TASOR2: variants seen among roughly 807,000 people sequenced by gnomAD.
TASOR2 encodes transcription activation suppressor family member 2, also known as protein TASOR 2.
TASOR2 carries 84 observed loss-of-function variants against 199.5 expected under a neutral mutation model. That is an observed-to-expected ratio of 0.42 (90% CI 0.35 to 0.50). The LOEUF (loss-of-function observed/expected upper bound fraction) is 0.50. Among genes scored for constraint, TASOR2 ranks in the 20% least tolerant of loss-of-function variants. The pLI, the probability that TASOR2 is intolerant of heterozygous loss-of-function variation, is 0.02. For synonymous variants in TASOR2, 1,103 were observed against 1,046.6 expected (o/e 1.05, Z -1.04); for missense variants, 2,796 against 2,835.9 (o/e 0.99, Z 0.32).
Position 5,737,569 on chromosome 10 carries a change from T to A in TASOR2, c.1447+2023T>A, listed in dbSNP as rs1285615243. Reference sequence around the variant, plus strand: ...AGGCAACCTCTGCCCTTCAGGGGCCTGCAGCTAGATTTATCCCCACAGGGA... The same window carrying A: ...AGGCAACCTCTGCCCTTCAGGGGCCAGCAGCTAGATTTATCCCCACAGGGA... On this transcript the variant is annotated intron_variant, in intron 12 of 20. Transcript: ENST00000328090. This position sits in a 1 kb window ranked among gnomAD's most constrained non-coding sequence, Gnocchi z 4.9. 6.6e-6 allele frequency among the ~76,000 whole-genome samples: 1 copy of A among 152,120 alleles called. No individual in the cohort carries two copies. The highest frequency in any genetic ancestry group is 2.4e-5 in the African/African-American group (1 of 41,438).
At chr10:5,736,454 A>AT (rs1489625915) in intron 12 of TASOR2, among the ~76,000 whole-genome samples, 1 of 150,886 alleles carries the variant, frequency 6.6e-6, no homozygotes, top group African/African-American at 2.4e-5. Flanking sequence ...GGGTTTCACC[A>AT]TGTTGCCTAG....
chr10:5,720,440 G>T lies in TASOR2; in HGVS notation c.-99-104G>T. 1 of 1,414,582 alleles carries T rather than the reference G, an allele frequency of 7.1e-7. No individual in the cohort carries two copies. The highest frequency in any genetic ancestry group is 1.7e-5 in the South Asian group (1 of 60,304). The allele number at this position is 1,414,582 out of a possible 1,614,324, so 87.6% of individuals were successfully genotyped here. A position where few individuals can be genotyped will look rare whatever the true frequency, so the allele number is the denominator to read the frequency against. The stretch of plus-strand genomic sequence containing the variant: ...TGAGTAACACCCAAGATATATTTCT[G>T]ACTCTAATGTGTTAAATTTCAGGGC... On this transcript the variant is annotated intron_variant, in intron 3 of 20. Transcript: ENST00000328090. This position sits in a 1 kb window ranked among gnomAD's most constrained non-coding sequence, Gnocchi z 5.3.
Position 5,751,869 on chromosome 10 carries a change from A to C in TASOR2, c.6606+1842A>C, listed in dbSNP as rs1249384130. Among the ~76,000 whole-genome samples, 2 of 152,208 alleles carry C rather than the reference A, an allele frequency of 1.3e-5. No homozygotes were observed. The highest frequency in any genetic ancestry group is 4.8e-5 in the African/African-American group (2 of 41,448). ...AGCAAAAACAGAGGAGTTCACACTC[A>C]TCCCCAATTCTAGTCCAGTACTGCC... On this transcript the variant is annotated intron_variant, in intron 15 of 20. Coordinates refer to ENST00000328090, the Ensembl canonical transcript of TASOR2. This position sits in a 1 kb window ranked among gnomAD's most constrained non-coding sequence, Gnocchi z 5.3.
chr10:5,688,563 C>T (rs1387479331), intron 1 of TASOR2, among the ~76,000 whole-genome samples: 1 of 152,030 alleles, frequency 6.6e-6, no homozygotes, highest in Non-Finnish European at 1.5e-5. Flanking sequence ...TGTAGAATTG[C>T]AAATCATATG....
At chr10:5,688,348 A>C (rs1330047727) in intron 1 of TASOR2, among the ~76,000 whole-genome samples, 1 of 150,080 alleles carries the variant, frequency 6.7e-6, no homozygotes, top group Non-Finnish European at 1.5e-5. Flanking sequence ...CAGCCTCCTG[A>C]GTAACTAGGG....
rs1838095432 is a variant in TASOR2 at position 5,751,915 on chromosome 10, C to G, written c.6606+1888C>G. Among the ~76,000 whole-genome samples the G allele has an allele frequency of 6.6e-6, 1 of 152,222 alleles. No homozygotes were observed. Among genetic ancestry groups the G allele is most frequent in the Non-Finnish European group, 1.5e-5 (1 of 68,040 alleles). On this transcript the variant is annotated intron_variant, in intron 15 of 20. Transcript: ENST00000328090. The surrounding 1 kb of genome is among the most constrained non-coding windows in gnomAD (Gnocchi z 5.3). ...CTGCCAGGTTTGTGCTAGCCTCCTTCTCCATGTGTGGAGCTCCCTTCTCTG... is the reference window on the plus strand; with the variant it reads ...CTGCCAGGTTTGTGCTAGCCTCCTTGTCCATGTGTGGAGCTCCCTTCTCTG...
rs1564360225 is a variant in TASOR2, at chr10:5,750,230, C to T, written c.6606+203C>T. 6.6e-6 allele frequency among the ~76,000 whole-genome samples: 1 copy of T among 152,126 alleles called. No homozygotes were observed. The highest frequency in any genetic ancestry group is 1.5e-5 in the Non-Finnish European group (1 of 68,032). The stretch of plus-strand genomic sequence containing the variant: ...ATATTTGAAAATTAGTATTATGTTC[C>T]AGAATTAGGGCAATGACTAATTTTT... On this transcript the variant is annotated intron_variant, in intron 15 of 20. Transcript: ENST00000328090. This position sits in a 1 kb window ranked among gnomAD's most constrained non-coding sequence, Gnocchi z 5.4.
In TASOR2 at chr10:5,712,841, CAA is replaced by C; in HGVS notation, c.-262_-261del. ...TATACAGTACAAAACTTTTTACCAA[CAA>C]AAAAAAGCAAGTAGTTATACTCAGG... On this transcript the variant is annotated 5_prime_UTR_variant, in exon 2 of 21. The change abolishes the stop of an existing upstream ORF in the 5' untranslated region. Coordinates refer to ENST00000328090, the Ensembl canonical transcript of TASOR2. 8.1e-7 allele frequency: 1 copy of C among 1,227,846 alleles called. No homozygotes were observed. Among genetic ancestry groups the C allele is most frequent in the Non-Finnish European group, 1.0e-6 (1 of 984,680 alleles). The allele number at this position is 1,227,846 out of a possible 1,614,324, so 76.1% of individuals were successfully genotyped here. A position where few individuals can be genotyped will look rare whatever the true frequency, so the allele number is the denominator to read the frequency against.
chr10:5,744,425 C>G (rs1301490008), intron 14 of TASOR2, among the ~76,000 whole-genome samples: 1 of 152,188 alleles, frequency 6.6e-6, no homozygotes, highest in Non-Finnish European at 1.5e-5. Flanking sequence ...GCCTCAGCCT[C>G]CCTAGTAGCT....
intron 19 of TASOR2, 149 bp downstream of exon 20, chr10:5,761,620 G>A (rs1839847243): frequency 1.5e-6 from 1 of 653,606 alleles, no homozygotes; most frequent in South Asian, 1.9e-5. Context: ...TGAAGCTGAA[G>A]CCCTTATATA....
rs888176943 is a variant in TASOR2, at chr10:5,689,324, G to T, written c.-288+4149G>T. Among the ~76,000 whole-genome samples, 12 of 152,118 alleles carry T rather than the reference G, an allele frequency of 7.9e-5. No individual in the cohort carries two copies. Among genetic ancestry groups the T allele is most frequent in the African/African-American group, 2.9e-4 (12 of 41,500 alleles). Reference sequence around the variant, plus strand: ...TGCTGTTAACTTGTATGTATTGGCCGGGTGCGGTGGCTCACGCCTGTAATC... The same window carrying T: ...TGCTGTTAACTTGTATGTATTGGCCTGGTGCGGTGGCTCACGCCTGTAATC... On this transcript the variant is annotated intron_variant, in intron 1 of 20. Transcript: ENST00000328090. This position sits in a 1 kb window ranked among gnomAD's most constrained non-coding sequence, Gnocchi z 4.1.
chr10:5,695,694 C>T (rs768804330), intron 1 of TASOR2, among the ~76,000 whole-genome samples: 1 of 151,944 alleles, frequency 6.6e-6, no homozygotes, highest in Admixed American at 6.6e-5. Context: ...CCACAAAGAT[C>T]AAGAGGAGGT....
exon 15 of TASOR2, chr10:5,747,649 C>T: frequency 6.2e-7 from 1 of 1,614,138 alleles, no homozygotes; most frequent in Non-Finnish European, 8.5e-7. Context: ...ACCTCCAGTA[C>T]CAGTTAAAGA....
chr10:5,700,794 CTG>C (rs145379583), intron 1 of TASOR2, among the ~76,000 whole-genome samples: 4 of 149,336 alleles, frequency 2.7e-5, no homozygotes, highest in Admixed American at 2.0e-4. Context: ...GGGGGTGTGT[CTG>C]TGTGTGTGTG....
chr10:5,685,668 C>T lies in TASOR2; in HGVS notation c.-288+493C>T, dbSNP rs1011434243. On this transcript the variant is annotated intron_variant, in intron 1 of 20. Transcript: ENST00000328090. The surrounding 1 kb of genome is among the most constrained non-coding windows in gnomAD (Gnocchi z 5.4). ...GGTCATTTCAGCAGCAAGCGCAAGC[C>T]GCGTTGGGATAACTTGGTGCGAGCA... Among the ~76,000 whole-genome samples the T allele has an allele frequency of 2.0e-5, 3 of 152,158 alleles. No homozygotes were observed. The highest frequency in any genetic ancestry group is 7.2e-5 in the African/African-American group (3 of 41,424).
intron 11 of TASOR2, among the ~76,000 whole-genome samples, chr10:5,734,941 G>A (rs375192337): frequency 3.3e-5 from 5 of 151,696 alleles, no homozygotes; most frequent in Non-Finnish European, 5.9e-5. Flanking sequence ...CAGTCCGTCC[G>A]TCATGGCCCC....
In TASOR2 at chr10:5,730,696, C is replaced by T; in HGVS notation, c.697C>T (p.Pro233Ser). The T allele has an allele frequency of 6.2e-7, 1 of 1,614,124 alleles. No individual in the cohort carries two copies. Among genetic ancestry groups the T allele is most frequent in the South Asian group, 1.1e-5 (1 of 91,066 alleles). ...TGCTCCTCAGGATAGAATGAAAGAC[C>T]CTACATTCTTGGGGAAACTGCCCAG... Residue 233 changes from proline to serine, a missense_variant, in exon 11 of 21, where the codon CCT (proline) becomes TCT (serine). Physicochemically the swap from Pro to Ser is moderately conservative, Grantham distance 74. Around this residue, in one of 3 missense-constraint regions of TASOR2, gnomAD observed 847 missense variants for 887.4 expected, o/e 0.95. Coordinates refer to ENST00000328090, the Ensembl canonical transcript of TASOR2. The surrounding 1 kb of genome is among the most constrained non-coding windows in gnomAD (Gnocchi z 4.1).
intron 1 of TASOR2, among the ~76,000 whole-genome samples, chr10:5,703,750 G>A (rs963040977): frequency 1.1e-4 from 16 of 151,710 alleles, no homozygotes; most frequent in Non-Finnish European, 7.4e-5. Context: ...TGATCCGCCC[G>A]CCTCTGCCTC....
Position 5,698,339 on chromosome 10 carries a change from A to C in TASOR2, c.-288+13164A>C, listed in dbSNP as rs1837395810. On this transcript the variant is annotated intron_variant, in intron 1 of 20. Transcript: ENST00000328090. The surrounding 1 kb of genome is among the most constrained non-coding windows in gnomAD (Gnocchi z 4.4). ...CTGAGTTAAGCTGAATTCAATGAAC[A>C]CTGTAGAGATGTGAGTGATAAAAAA... Among the ~76,000 whole-genome samples, 3 of 152,316 alleles carry C rather than the reference A, an allele frequency of 2.0e-5. No homozygotes were observed. The highest frequency in any genetic ancestry group is 6.5e-5 in the Admixed American group (1 of 15,300).
Sources: allele counts gnomAD v4.1 joint callset (sites outside exome capture counted in the v4.1 genomes callset), GRCh38; gene constraint gnomAD v4.1.1; regional missense constraint gnomAD v4.1.1; non-coding constraint Gnocchi (gnomAD v3.1); transcripts MANE v1.5; gene names NCBI Gene and HGNC (gene_info 2026-07-23, HGNC 2026-07-21).